The following MARVELD2 variants were observed in gnomAD, a reference collection of about 807,000 sequenced individuals.
MARVELD2 encodes MARVEL domain containing 2.
MARVELD2 carries 49 observed loss-of-function variants against 57.6 expected under a neutral mutation model. The observed-to-expected ratio is 0.85, with a 90% CI of 0.68 to 1.08. MARVELD2 has a LOEUF of 1.08. MARVELD2 is among the 50% of genes least tolerant of loss of function. The pLI is 0.00. For missense variants in MARVELD2, 606 were observed against 701.1 expected, an observed-to-expected ratio of 0.86 and a Z score of 1.53; for synonymous variants, 238 against 258.8, an observed-to-expected ratio of 0.92 and a Z score of 0.77.
At chr5:69,438,790 G>T (rs1767235813) in intron 5 of MARVELD2, among the ~76,000 whole-genome samples, 1 of 151,912 alleles carries the variant, frequency 6.6e-6, no homozygotes, top group Admixed American at 6.6e-5. Context: ...GGAGGCTGAG[G>T]CAGGAGAATC....
intron 3 of MARVELD2, 132 bp downstream of exon 3, chr5:69,424,768 T>C: frequency 2.7e-6 from 2 of 729,182 alleles, no homozygotes; most frequent in Non-Finnish European, 4.7e-6. Flanking sequence ...CTCACACCTG[T>C]AATCCCAGCA....
At position 69,441,682 on chromosome 5, in the gene MARVELD2, T is replaced by TA; in HGVS notation, c.*29dup. The stretch of plus-strand genomic sequence containing the variant: ...CTTATTTGAAACCACTTTATTTTTT[T>TA]ATTTTATTTTATTTTTTTGAGATGA... On this transcript the variant is annotated 3_prime_UTR_variant, in exon 7 of 7. Transcript: ENST00000325631. The TA allele has an allele frequency of 6.9e-7, 1 of 1,447,070 alleles. No homozygotes were observed. The highest frequency in any genetic ancestry group is 9.6e-7 in the Non-Finnish European group (1 of 1,043,864). 89.6% of individuals were successfully genotyped at this position (1,447,070 alleles called of 1,614,324 possible). A position where few individuals can be genotyped will look rare whatever the true frequency, so the allele number is the denominator to read the frequency against.
chr5:69,442,796 T>A lies in MARVELD2; in HGVS notation c.*1142T>A, dbSNP rs1561306484. On this transcript the variant is annotated 3_prime_UTR_variant, in exon 7 of 7. Transcript: ENST00000325631. ...CATCTCCCCATAGTCCAGCCTGCCC[T>A]GGACACATTGAATTGTATGAATGGT... 1 of 151,160 alleles carries A rather than the reference T, an allele frequency of 6.6e-6. No homozygotes were observed. Among genetic ancestry groups the A allele is most frequent in the African/African-American group, 2.4e-5 (1 of 41,224 alleles). The allele number at this position is 151,160 out of a possible 1,614,324, so 9.4% of individuals were successfully genotyped here.
rs546439255 is a variant in MARVELD2 at position 69,420,500 on chromosome 5, G to A, written c.1115G>A (p.Arg372Gln). 2.1e-5 allele frequency: 34 copies of A among 1,612,566 alleles called. No homozygotes were observed. The East Asian group carries it at 3.3e-4, about 16-fold the overall frequency. ...CLKLWRHEAARRHREYMEQQE... is the reference protein window; with the variant it reads ...CLKLWRHEAAQRHREYMEQQE... ...AAGTTATGGAGGCATGAGGCAGCTC[G>A]GAGACATAGAGAATATATGGAACAA... is the stretch of plus-strand genomic sequence containing the variant. Residue 372 changes from arginine (R) to glutamine (Q), a missense_variant, in exon 2 of 7, where the codon CGG becomes CAG. Transcript: ENST00000325631.
chr5:69,436,126 ATAT>A (rs1187019310), intron 5 of MARVELD2, among the ~76,000 whole-genome samples: 1 of 152,112 alleles, frequency 6.6e-6, no homozygotes, highest in Non-Finnish European at 1.5e-5. Context: ...TATTTGTGTA[ATAT>A]TCTGTCTTTT....
chr5:69,431,597 C>G (rs879852643), intron 3 of MARVELD2, among the ~76,000 whole-genome samples: 4 of 151,998 alleles, frequency 2.6e-5, no homozygotes, highest in Admixed American at 2.6e-4. Flanking sequence ...TAGGTAAGTT[C>G]TTAAGACTGC....
Position 69,419,644 on chromosome 5 carries a change from A to T in MARVELD2, c.259A>T (p.Lys87Ter), listed in dbSNP as rs776953681. The T allele has an allele frequency of 1.4e-5, 23 of 1,614,200 alleles. No homozygotes were observed. The highest frequency in any genetic ancestry group is 1.8e-5 in the Non-Finnish European group (21 of 1,180,040). The change falls in exon 2 of 7, where the codon AAG becomes TAG. Residue 87 changes from lysine (K) to a stop codon, truncating the protein, a stop_gained. Coordinates refer to ENST00000325631, the MANE Select transcript of MARVELD2 (RefSeq NM_001038603.3). LOFTEE classifies it high-confidence loss of function. Reference protein sequence around the residue: ...PVRRFVPDSWKNFFRGKKKDP... With the variant: ...PVRRFVPDSW ...AAGGCGCTTTGTCCCTGACTCCTGG[A>T]AGAACTTTTTCAGAGGGAAGAAAAA...
chr5:69,439,541 G>A (rs934583240), intron 5 of MARVELD2, among the ~76,000 whole-genome samples: 1 of 151,202 alleles, frequency 6.6e-6, no homozygotes, highest in African/African-American at 2.4e-5. Context: ...ATCACTTGAG[G>A]CCAGGAGTTC....
At chr5:69,427,073 T>A (rs1766814829) in intron 3 of MARVELD2, among the ~76,000 whole-genome samples, 1 of 152,226 alleles carries the variant, frequency 6.6e-6, no homozygotes. Context: ...TCCTGTCTGT[T>A]GTTTGGTTTA....
At chr5:69,439,813 T>A (rs1205681309) in intron 5 of MARVELD2, among the ~76,000 whole-genome samples, 1 of 152,068 alleles carries the variant, frequency 6.6e-6, no homozygotes, top group African/African-American at 2.4e-5. Flanking sequence ...TTGCATTGTC[T>A]GACAATCTCT....
At chr5:69,418,964 G>A (rs961069875) in intron 1 of MARVELD2, 1 of 170,382 alleles carries the variant, frequency 5.9e-6, no homozygotes, top group Admixed American at 6.2e-5. Context: ...GACTCACTGT[G>A]TCAGCCAGGC....
chr5:69,419,292 T>C, intron 1 of MARVELD2, 79 bp from the exon 2 acceptor site: 1 of 1,385,324 alleles, frequency 7.2e-7, no homozygotes. Flanking sequence ...AAATACTTTT[T>C]GCTACTACAT....
At chr5:69,428,439 G>T (rs1362467883) in intron 3 of MARVELD2, among the ~76,000 whole-genome samples, 1 of 109,608 alleles carries the variant, frequency 9.1e-6, no homozygotes, top group East Asian at 2.7e-4. Flanking sequence ...GAAGGTGGAG[G>T]TTGCAGTGAG....
intron 3 of MARVELD2, among the ~76,000 whole-genome samples, chr5:69,425,413 T>TAA (rs10706532): frequency 1.8e-4 from 25 of 141,836 alleles, no homozygotes; most frequent in Admixed American, 3.6e-4. Flanking sequence ...ATATATATAT[T>TAA]AAAAAAAAAA....
intron 3 of MARVELD2, among the ~76,000 whole-genome samples, chr5:69,430,765 A>C (rs1766938231): frequency 6.6e-6 from 1 of 150,710 alleles, no homozygotes; most frequent in Non-Finnish European, 1.5e-5. Flanking sequence ...AACTCCTGAC[A>C]TTAAATGATC....
Position 69,420,442 on chromosome 5 carries a change from A to AT in MARVELD2, c.1058dup (p.Val354SerfsTer5), listed in dbSNP as rs2150915254. ...AATGATCTTCCTGTTTGTCACCATG[A>AT]TAGTTTATCTCATTAGTGCTTTGGT... On this transcript the variant is annotated frameshift_variant, in exon 2 of 7. Coordinates refer to ENST00000325631, the MANE Select transcript of MARVELD2 (RefSeq NM_001038603.3). LOFTEE classifies it high-confidence loss of function. 1 of 1,613,794 alleles carries AT rather than the reference A, an allele frequency of 6.2e-7. No homozygotes were observed.
intron 5 of MARVELD2, among the ~76,000 whole-genome samples, chr5:69,439,686 G>T (rs1767268901): frequency 2.0e-5 from 3 of 151,914 alleles, no homozygotes; most frequent in South Asian, 2.1e-4. Context: ...CCAGAGAGGT[G>T]GGAGTTGCAG....
chr5:69,429,714 C>T (rs892340721), intron 3 of MARVELD2, among the ~76,000 whole-genome samples: 7 of 152,046 alleles, frequency 4.6e-5, no homozygotes, highest in African/African-American at 1.7e-4. Flanking sequence ...CACCGTGGCT[C>T]ACACCTGTAA....
rs746994253 is a variant in MARVELD2 at position 69,444,009 on chromosome 5, T to TAAAA, written c.*2365_*2368dup. The TAAAA allele has an allele frequency of 0.014, 867 of 62,550 alleles. 66 individuals are homozygous for TAAAA. Among genetic ancestry groups the TAAAA allele is most frequent in the African/African-American group, 0.036 (776 of 21,704 alleles). The allele number at this position is 62,550 out of a possible 1,614,324, so 3.9% of individuals were successfully genotyped here. ...TCACTTAAGAAGAGCACCAGTGCTTTAAAAAAAAAAAAAGGTAAAATATTA... is the reference window on the plus strand; with the variant it reads ...TCACTTAAGAAGAGCACCAGTGCTTTAAAAAAAAAAAAAAAAAGGTAAAATATTA... On this transcript the variant is annotated 3_prime_UTR_variant, in exon 7 of 7. Transcript: ENST00000325631.
Sources: allele counts gnomAD v4.1 joint callset (sites outside exome capture counted in the v4.1 genomes callset), GRCh38; gene constraint gnomAD v4.1.1; transcripts MANE v1.5; gene names NCBI Gene and HGNC (gene_info 2026-07-23, HGNC 2026-07-21).